The following CORIN variants were observed in gnomAD, a reference collection of about 807,000 sequenced individuals.
CORIN encodes the protein corin, serine peptidase.
In CORIN, 117 loss-of-function variants were observed where a neutral mutation model predicts 125.3. That is an observed-to-expected ratio of 0.93 (90% CI 0.80 to 1.09). CORIN has a LOEUF of 1.09. Ranked by LOEUF, CORIN falls within the 50% of genes least tolerant of loss-of-function variation. The pLI, the probability that CORIN is intolerant of heterozygous loss-of-function variation, is 0.00. For missense variants in CORIN, 1,253 were observed against 1,306.7 expected (o/e 0.96, Z 0.63); for synonymous variants, 450 against 466.4 (o/e 0.96, Z 0.45).
At chr4:47,689,157 G>A (rs1725655548) in intron 6 of CORIN, among the ~76,000 whole-genome samples, 1 of 152,168 alleles carries the variant, frequency 6.6e-6, no homozygotes, top group Admixed American at 6.5e-5. Flanking sequence ...GAGGTGCTGG[G>A]TGGGAGTGGA....
At chr4:47,750,619 G>A (rs1728855859) in intron 4 of CORIN, among the ~76,000 whole-genome samples, 1 of 152,198 alleles carries the variant, frequency 6.6e-6, no homozygotes, top group Non-Finnish European at 1.5e-5. Context: ...GGAACTTGGA[G>A]AGAGTTGTAT....
intron 19 of CORIN, among the ~76,000 whole-genome samples, chr4:47,623,097 TATATATATATATATATATATACACACACA>T (rs1722396705): frequency 6.2e-5 from 3 of 48,692 alleles, no homozygotes; most frequent in African/African-American, 8.7e-5. Flanking sequence ...TCTCTCTCTC[TATATATATATATATATATATACACACACA>T]CACACACTCT....
intron 5 of CORIN, among the ~76,000 whole-genome samples, chr4:47,725,495 G>A (rs1484113280): frequency 6.6e-6 from 1 of 152,044 alleles, no homozygotes; most frequent in African/African-American, 2.4e-5. Context: ...AATTTTTGAT[G>A]GAGGTGCAAA....
chr4:47,676,143 G>T (rs1400661230), intron 9 of CORIN, among the ~76,000 whole-genome samples: 1 of 152,178 alleles, frequency 6.6e-6, no homozygotes, highest in East Asian at 1.9e-4. Context: ...AGTCTCCAGA[G>T]AAGTGGCCCC....
At chr4:47,706,964 C>A in intron 5 of CORIN, 2 of 1,592,646 alleles carry the variant, frequency 1.3e-6, no homozygotes, top group South Asian at 1.1e-5. Context: ...GCGCAATACT[C>A]TCCAGCTCCA....
chr4:47,808,468 A>G (rs1052916507), intron 1 of CORIN, among the ~76,000 whole-genome samples: 1 of 152,150 alleles, frequency 6.6e-6, no homozygotes. Context: ...TTCTCTCTAT[A>G]AGGGAATATA....
At chr4:47,686,072 AT>A (rs1351203580) in intron 6 of CORIN, among the ~76,000 whole-genome samples, 1 of 149,358 alleles carries the variant, frequency 6.7e-6, no homozygotes, top group Non-Finnish European at 1.5e-5. Context: ...ACGATTCGTT[AT>A]CCAAAGCCTT....
At chr4:47,604,514 TTATTGAGGGCTTACCATG>T (rs779324662) in intron 19 of CORIN, among the ~76,000 whole-genome samples, 9 of 152,244 alleles carry the variant, frequency 5.9e-5, no homozygotes, top group Non-Finnish European at 1.3e-4. Context: ...CAGCCAACAT[TTATTGAGGGCTTACCATG>T]TATGCCACAG....
At chr4:47,752,581 G>A (rs577848795) in intron 4 of CORIN, among the ~76,000 whole-genome samples, 14 of 152,244 alleles carry the variant, frequency 9.2e-5, no homozygotes, top group East Asian at 3.9e-4. Flanking sequence ...TAATGCCCAC[G>A]TAAGAGTTAA....
At position 47,763,426 on chromosome 4, in the gene CORIN, A is replaced by G; in HGVS notation, c.570T>C (p.Phe190=). The change falls in exon 4 of 22, where the codon TTT becomes TTC. Residue 190 remains phenylalanine (F), a synonymous_variant. Transcript: ENST00000273857. ...ACTCAGGGAAGGCGAGGGTACAGCC[A>G]AACAGCATGATATGTTGATAGCAAC... The part of the protein sequence containing the change: ...RLSCYQHIML[F]GCTLAFPECI... 1.2e-6 allele frequency: 2 copies of G among 1,614,154 alleles called. No homozygotes were observed. The highest frequency in any genetic ancestry group is 1.7e-6 in the Non-Finnish European group (2 of 1,180,026).
In CORIN at chr4:47,693,102, A is replaced by G; in HGVS notation, c.800-19T>C. 1 of 1,482,774 alleles carries G rather than the reference A, an allele frequency of 6.7e-7. No homozygotes were observed. Among genetic ancestry groups the G allele is most frequent in the South Asian group, 1.1e-5 (1 of 87,772 alleles). 91.9% of individuals were successfully genotyped at this position (1,482,774 alleles called of 1,614,324 possible). On this transcript the variant is annotated intron_variant, in intron 5 of 21. Transcript: ENST00000273857. ...CAGAGCACTAAAAAAAAAGGGCAGGAAATAATGTCAGAATAAGATGGGTTT... is the reference window on the plus strand; with the variant it reads ...CAGAGCACTAAAAAAAAAGGGCAGGGAATAATGTCAGAATAAGATGGGTTT...
intron 10 of CORIN, among the ~76,000 whole-genome samples, chr4:47,667,732 G>A (rs1007935483): frequency 6.6e-6 from 1 of 152,170 alleles, no homozygotes; most frequent in Non-Finnish European, 1.5e-5. Context: ...ACACTGAAAG[G>A]CTGGCATAAT....
At chr4:47,816,702 AG>A (rs897614996) in intron 1 of CORIN, among the ~76,000 whole-genome samples, 1 of 152,134 alleles carries the variant, frequency 6.6e-6, no homozygotes, top group Non-Finnish European at 1.5e-5. Flanking sequence ...TTGAAGGAGG[AG>A]GGGGGCCAAA....
At chr4:47,606,435 T>G (rs1721647146) in intron 19 of CORIN, among the ~76,000 whole-genome samples, 1 of 152,042 alleles carries the variant, frequency 6.6e-6, no homozygotes, top group Non-Finnish European at 1.5e-5. Context: ...TTTTTTGGAA[T>G]TTTAGTAGAG....
Position 47,667,615 on chromosome 4 carries a change from C to A in CORIN, c.1358-2352G>T, listed in dbSNP as rs907483580. On this transcript the variant is annotated intron_variant, in intron 10 of 21. Coordinates refer to ENST00000273857, the MANE Select transcript of CORIN (RefSeq NM_006587.4). ...GGACTACTTCTTAATTGAAAGAATC[C>A]GAGGATATCACAGATATTATATTTA... Among the ~76,000 whole-genome samples the A allele has an allele frequency of 2.6e-5, 4 of 151,862 alleles. No individual in the cohort carries two copies. In the East Asian group the frequency reaches 7.7e-4, roughly 29 times the overall value.
intron 3 of CORIN, among the ~76,000 whole-genome samples, chr4:47,775,878 G>A (rs994311135): frequency 4.6e-5 from 7 of 152,150 alleles, no homozygotes; most frequent in Non-Finnish European, 7.4e-5. Context: ...CTATGGATTT[G>A]GGGCTTTGTC....
At chr4:47,714,068 A>C (rs6855039) in intron 5 of CORIN, among the ~76,000 whole-genome samples, 136,345 of 152,094 alleles carry the variant, frequency 0.9, 61,256 homozygotes, top group East Asian at 1. Context: ...GGGTTCAAGC[A>C]CCAGCTCTGC....
intron 2 of CORIN, chr4:47,790,197 A>G (rs1440586292): frequency 1.0e-6 from 1 of 985,076 alleles, no homozygotes; most frequent in Non-Finnish European, 1.2e-6. Flanking sequence ...CTTAACTGCC[A>G]TAAAGGAAGG....
intron 5 of CORIN, among the ~76,000 whole-genome samples, chr4:47,729,720 C>T (rs1401502620): frequency 7.2e-5 from 11 of 152,286 alleles, no homozygotes; most frequent in Admixed American, 4.6e-4. Context: ...TCTGTTTTCA[C>T]ACCCAAAAAG....
Sources: gnomAD v4.1 joint callset for allele counts (sites outside exome capture counted in the v4.1 genomes callset) on GRCh38, gnomAD v4.1.1 for gene constraint, MANE v1.5 for transcripts, NCBI Gene and HGNC (gene_info 2026-07-23, HGNC 2026-07-21) for gene names.